EXOC2: variants seen among roughly 807,000 people sequenced by gnomAD.
The protein encoded by EXOC2 is exocyst complex component 2.
Under a neutral mutation model 131.8 loss-of-function variants are expected in EXOC2, and 70 were observed. The ratio of observed to expected loss-of-function variants is 0.53; its 90% confidence interval spans 0.44 to 0.65. The LOEUF (loss-of-function observed/expected upper bound fraction) is 0.65, where lower values mean the gene tolerates loss of function less well. Ranked by LOEUF, EXOC2 falls within the 30% of genes least tolerant of loss-of-function variation. EXOC2 has a pLI of 0.00. For missense variants in EXOC2, 923 were observed against 1,108.6 expected (o/e 0.83, Z 2.38); for synonymous variants, 411 against 398.4 (o/e 1.03, Z -0.38).
At chr6:674,048 C>G (rs1297346808) in intron 1 of EXOC2, among the ~76,000 whole-genome samples, 1 of 152,062 alleles carries the variant, frequency 6.6e-6, no homozygotes, top group Non-Finnish European at 1.5e-5. Flanking sequence ...TGAGAACTAC[C>G]AACACTTTCA....
At chr6:501,182 AT>A (rs1225481347) in intron 23 of EXOC2, among the ~76,000 whole-genome samples, 5 of 38,190 alleles carry the variant, frequency 1.3e-4, no homozygotes, top group African/African-American at 1.6e-4. Flanking sequence ...ATATCTATAT[AT>A]TATATATATC....
At chr6:569,121 A>G (rs1295632626) in intron 13 of EXOC2, among the ~76,000 whole-genome samples, 1 of 152,232 alleles carries the variant, frequency 6.6e-6, no homozygotes, top group Non-Finnish European at 1.5e-5. Context: ...TTTAATTTAT[A>G]TATTATTGAG....
chr6:584,783 G>A (rs1759107684), intron 11 of EXOC2, among the ~76,000 whole-genome samples: 1 of 152,176 alleles, frequency 6.6e-6, no homozygotes, highest in Non-Finnish European at 1.5e-5. Context: ...TTCTAATGAT[G>A]TCCTTTTAGA....
In EXOC2 at chr6:485,436, C is replaced by T. The variant is rs1283590231; in HGVS notation, c.*1235G>A. ...ATGGCTACACTGTGCTCTAAAATTA[C>T]TTGCATTAATGAGGACATTAATTTT... On this transcript the variant is annotated 3_prime_UTR_variant, in exon 28 of 28. Coordinates refer to ENST00000230449, the MANE Select transcript of EXOC2 (RefSeq NM_018303.6). The T allele has an allele frequency of 6.6e-6, 1 of 152,118 alleles. No individual in the cohort carries two copies. The highest frequency in any genetic ancestry group is 2.4e-5 in the African/African-American group (1 of 41,400). The allele number at this position is 152,118 out of a possible 1,614,324, so 9.4% of individuals were successfully genotyped here. A position where few individuals can be genotyped will look rare whatever the true frequency, so the allele number is the denominator to read the frequency against.
At chr6:594,672 C>T (rs1418236358) in intron 10 of EXOC2, among the ~76,000 whole-genome samples, 1 of 152,092 alleles carries the variant, frequency 6.6e-6, no homozygotes, top group Non-Finnish European at 1.5e-5. Flanking sequence ...AACCTAATAA[C>T]AAAAGACTTT....
intron 10 of EXOC2, among the ~76,000 whole-genome samples, chr6:596,487 GCT>G (rs751920741): frequency 4.0e-5 from 6 of 150,338 alleles, no homozygotes; most frequent in Non-Finnish European, 8.8e-5. Context: ...ACTGCCTCAG[GCT>G]CCTGAGTGGC....
At chr6:590,788 TC>T (rs771029289) in intron 11 of EXOC2, among the ~76,000 whole-genome samples, 1 of 152,206 alleles carries the variant, frequency 6.6e-6, no homozygotes, top group Non-Finnish European at 1.5e-5. Context: ...CAGGACTCTT[TC>T]CTGAGTTTGC....
At chr6:544,963 A>C (rs931424172) in intron 22 of EXOC2, among the ~76,000 whole-genome samples, 8 of 151,504 alleles carry the variant, frequency 5.3e-5, no homozygotes, top group South Asian at 4.2e-4. Context: ...CTGGCTAACA[A>C]GGTGAAACCC....
At chr6:547,073 C>T (rs1312134970) in intron 22 of EXOC2, among the ~76,000 whole-genome samples, 1 of 152,244 alleles carries the variant, frequency 6.6e-6, no homozygotes, top group Non-Finnish European at 1.5e-5. Context: ...GGGTATCTTT[C>T]CCTATGAAGA....
chr6:566,129 T>C (rs1757953167), intron 13 of EXOC2, among the ~76,000 whole-genome samples: 1 of 152,230 alleles, frequency 6.6e-6, no homozygotes, highest in Non-Finnish European at 1.5e-5. Context: ...AAACTAAACC[T>C]GCAATCCATC....
At chr6:529,744 A>AT (rs1765965956) in intron 23 of EXOC2, among the ~76,000 whole-genome samples, 1 of 152,138 alleles carries the variant, frequency 6.6e-6, no homozygotes, top group Admixed American at 6.5e-5. Flanking sequence ...TGAACAATGT[A>AT]TTACTTTTTG....
intron 7 of EXOC2, among the ~76,000 whole-genome samples, chr6:608,686 C>A (rs1309268508): frequency 6.9e-6 from 1 of 144,298 alleles, no homozygotes; most frequent in Non-Finnish European, 1.5e-5. Context: ...CTATGGTAAG[C>A]CTAACACATG....
At chr6:632,898 A>G (rs376987270) in intron 3 of EXOC2, 43 bp downstream of exon 3, 53 of 1,555,742 alleles carry the variant, frequency 3.4e-5, no homozygotes, top group Non-Finnish European at 4.4e-5. Flanking sequence ...AGACAAACTC[A>G]TTTTTACTTT....
intron 22 of EXOC2, among the ~76,000 whole-genome samples, chr6:540,553 G>A (rs1766752331): frequency 2.0e-5 from 3 of 152,086 alleles, no homozygotes; most frequent in African/African-American, 2.4e-5. Context: ...ATTTCAGCAA[G>A]ATTAGACACA....
chr6:558,961 A>C (rs1226323317), intron 17 of EXOC2, among the ~76,000 whole-genome samples: 2 of 152,232 alleles, frequency 1.3e-5, no homozygotes, highest in Non-Finnish European at 2.9e-5. Flanking sequence ...AGAATACTAG[A>C]AAGTTCAATG....
At position 564,116 on chromosome 6, in the gene EXOC2, T is replaced by G. The variant is rs748566776; in HGVS notation, c.1706A>C (p.Asn569Thr). Residue 569 changes from asparagine to threonine, a missense_variant, in exon 16 of 28, where the codon AAT becomes ACT. By Grantham distance (65) the Asn-to-Thr change is moderately conservative. Coordinates refer to ENST00000230449, the MANE Select transcript of EXOC2 (RefSeq NM_018303.6). ...HESLTALEIPNDLLQTIQDLI... is the reference protein window; with the variant it reads ...HESLTALEIPTDLLQTIQDLI... ...ATCCTGGATAGTCTGTAACAGGTCA[T>G]TAGGAATTTCAAGGGCAGTCAACGA... The G allele has an allele frequency of 1.2e-6, 2 of 1,614,078 alleles. No individual in the cohort carries two copies. Among genetic ancestry groups the G allele is most frequent in the Non-Finnish European group, 8.5e-7 (1 of 1,180,016 alleles).
chr6:577,825 T>C (rs934433282), intron 11 of EXOC2, among the ~76,000 whole-genome samples: 8 of 152,224 alleles, frequency 5.3e-5, no homozygotes, highest in African/African-American at 1.7e-4. Flanking sequence ...CACTCAGTTT[T>C]TCTTCTTCAT....
chr6:568,873 C>T (rs2127591536), intron 13 of EXOC2, among the ~76,000 whole-genome samples: 1 of 152,204 alleles, frequency 6.6e-6, no homozygotes, highest in East Asian at 1.9e-4. Context: ...TTTTGCCCAA[C>T]AAATAGGTGT....
chr6:562,722 T>C, intron 17 of EXOC2, 62 bp downstream of exon 17: 1 of 1,185,696 alleles, frequency 8.4e-7, no homozygotes, highest in Non-Finnish European at 1.2e-6. Flanking sequence ...CCTATTAATA[T>C]GATAAACTAT....
Sources: allele counts gnomAD v4.1 joint callset (sites outside exome capture counted in the v4.1 genomes callset), GRCh38; gene constraint gnomAD v4.1.1; transcripts MANE v1.5; gene names NCBI Gene and HGNC (gene_info 2026-07-23, HGNC 2026-07-21).